The following DMD variants were observed in gnomAD, a reference collection of about 807,000 sequenced individuals.
DMD encodes mutant dystrophin.
Under a neutral mutation model 330.1 loss-of-function variants are expected in DMD, and 63 were observed. The ratio of observed to expected loss-of-function variants is 0.19; its 90% CI spans 0.16 to 0.24. The LOEUF (loss-of-function observed/expected upper bound fraction) is 0.24, where lower values mean the gene tolerates loss of function less well. DMD is among the 10% of genes least tolerant of loss of function. The pLI, the probability that DMD is intolerant of heterozygous loss-of-function variation, is 1.00. For missense variants in DMD, 3,344 were observed against 2,684.1 expected, an observed-to-expected ratio of 1.25 and a Z score of -5.43; for synonymous variants, 1,223 against 959.8, an observed-to-expected ratio of 1.27 and a Z score of -5.07.
intron 17 of DMD, among the ~76,000 whole-genome samples, chrX:32,541,044 G>A (rs2048436759): frequency 9.0e-6 from 1 of 111,423 alleles, no homozygotes; most frequent in African/African-American, 3.3e-5. Context: ...GAATGAACAT[G>A]AAATGACGGA....
chrX:32,756,430 C>T (rs1400428080), intron 7 of DMD: 1 of 111,391 alleles, frequency 9.0e-6, no homozygotes, highest in African/African-American at 3.3e-5. Context: ...TTTTTGATGA[C>T]AATAAAATCG....
chrX:32,227,317 AC>A (rs1395196997), intron 43 of DMD, among the ~76,000 whole-genome samples: 1 of 87,856 alleles, frequency 1.1e-5, no homozygotes, highest in Non-Finnish European at 2.2e-5. Flanking sequence ...ATATATGTAC[AC>A]ACACACAAAT....
intron 47 of DMD, among the ~76,000 whole-genome samples, chrX:31,917,730 T>C (rs1321699724): frequency 1.8e-5 from 2 of 112,694 alleles, no homozygotes; most frequent in East Asian, 5.5e-4. Flanking sequence ...CAGTCATTCA[T>C]TTTCCAAGCC....
intron 44 of DMD, among the ~76,000 whole-genome samples, chrX:32,075,447 A>C: frequency 8.9e-6 from 1 of 112,324 alleles, no homozygotes; most frequent in South Asian, 3.7e-4. Context: ...AAAAAATCAA[A>C]TAAAATGAGG....
At chrX:33,287,265 T>C (rs1268710594) in intron 1 of DMD, among the ~76,000 whole-genome samples, 2 of 111,402 alleles carry the variant, frequency 1.8e-5, no homozygotes, top group African/African-American at 6.5e-5. Flanking sequence ...AGTGGCACTT[T>C]TAACGTTTTG....
chrX:31,204,108 C>A lies in DMD; in HGVS notation c.9660G>T (p.Lys3220Asn). 8.3e-7 allele frequency: 1 copy of A among 1,210,960 alleles called. No homozygotes were observed. Among genetic ancestry groups the A allele is most frequent in the Non-Finnish European group, 1.1e-6 (1 of 895,045 alleles). The change falls in exon 67 of 79, where the codon AAG (lysine) becomes AAT (asparagine). Residue 3220 changes from lysine (K) to asparagine (N), a missense_variant. Coordinates refer to ENST00000357033, the MANE Select transcript of DMD (RefSeq NM_004006.3). ...AAAATCCTGTTGAACTTGCCACTTG[C>A]TTGAAAAGGTCTACAAAGGAAGAAG... ...HLEDKYRYLFKQVASSTGFCD... is the reference protein window; with the variant it reads ...HLEDKYRYLFNQVASSTGFCD...
At chrX:32,021,389 C>T (rs1042874399) in intron 44 of DMD, among the ~76,000 whole-genome samples, 1 of 111,632 alleles carries the variant, frequency 9.0e-6, no homozygotes, top group African/African-American at 3.3e-5. Context: ...AAAAAATGAG[C>T]ATTGTTTACT....
intron 18 of DMD, among the ~76,000 whole-genome samples, chrX:32,507,013 T>G (rs1196684956): frequency 8.9e-6 from 1 of 111,881 alleles, no homozygotes; most frequent in Non-Finnish European, 1.9e-5. Flanking sequence ...TATGGCATAC[T>G]TGTTTTTCAC....
chrX:31,478,078 G>A (rs770486507), intron 59 of DMD, 28 bp downstream of exon 59: 2 of 1,205,929 alleles, frequency 1.7e-6, no homozygotes, highest in Non-Finnish European at 2.2e-6. Flanking sequence ...TCTCTCAAAG[G>A]GCCCTGAAGC....
At chrX:32,546,216 G>A (rs762498409) in intron 16 of DMD, among the ~76,000 whole-genome samples, 10 of 104,075 alleles carry the variant, frequency 9.6e-5, no homozygotes, top group African/African-American at 2.8e-4. Flanking sequence ...CATATTCTCC[G>A]TCTCACAGAG....
chrX:33,114,010 CA>C (rs998297859), intron 1 of DMD, among the ~76,000 whole-genome samples: 4 of 110,254 alleles, frequency 3.6e-5, no homozygotes, highest in Admixed American at 2.0e-4. Flanking sequence ...ATAACCAAGA[CA>C]AAAAATACTT....
At position 33,053,722 on chromosome X, in the gene DMD, A is replaced by G. The variant is rs748966729; in HGVS notation, c.32-33522T>C. On this transcript the variant is annotated intron_variant, in intron 1 of 78. Transcript: ENST00000357033. ...AGGTATGTTCCAAAAAGGAGACATCACCTAAATGATAAACTGGAGTTAGCT... is the reference window on the plus strand; with the variant it reads ...AGGTATGTTCCAAAAAGGAGACATCGCCTAAATGATAAACTGGAGTTAGCT... Among the ~76,000 whole-genome samples, 20 of 112,320 alleles carry G rather than the reference A, an allele frequency of 1.8e-4. No individual in the cohort carries two copies. In the South Asian group the frequency reaches 7.4e-3, roughly 41 times the overall value.
chrX:32,809,292 T>C (rs1569526462), intron 7 of DMD, among the ~76,000 whole-genome samples: 1 of 112,079 alleles, frequency 8.9e-6, no homozygotes, highest in Non-Finnish European at 1.9e-5. Flanking sequence ...ACTGCAATTT[T>C]AGATACTGGT....
intron 47 of DMD, among the ~76,000 whole-genome samples, chrX:31,891,513 GAACT>G (rs769270242): frequency 2.7e-5 from 3 of 111,437 alleles, no homozygotes; most frequent in Non-Finnish European, 5.7e-5. Flanking sequence ...TACAGTTTGA[GAACT>G]AACAATTGTT....
At chrX:31,904,298 T>C (rs188842688) in intron 47 of DMD, among the ~76,000 whole-genome samples, 1 of 111,892 alleles carries the variant, frequency 8.9e-6, no homozygotes, top group East Asian at 2.8e-4. Flanking sequence ...AGCTGCATTT[T>C]CAAATGCCAG....
chrX:32,484,634 T>C (rs770602585), intron 21 of DMD, among the ~76,000 whole-genome samples: 6 of 112,222 alleles, frequency 5.3e-5, no homozygotes, highest in African/African-American at 1.9e-4. Flanking sequence ...TTTTATTTTC[T>C]TCTATATTCA....
At chrX:31,541,512 T>C (rs1193616925) in intron 55 of DMD, among the ~76,000 whole-genome samples, 1 of 80,276 alleles carries the variant, frequency 1.2e-5, no homozygotes, top group African/African-American at 4.4e-5. Context: ...CGACAGGCCC[T>C]GGTGTGTGAT....
At chrX:32,957,641 A>C (rs1055887862) in intron 2 of DMD, among the ~76,000 whole-genome samples, 1 of 111,691 alleles carries the variant, frequency 9.0e-6, no homozygotes, top group Non-Finnish European at 1.9e-5. Context: ...ACTCTGACAG[A>C]TATTGTGATT....
intron 62 of DMD, among the ~76,000 whole-genome samples, chrX:31,281,384 A>T (rs1008060358): frequency 9.0e-6 from 1 of 111,457 alleles, no homozygotes; most frequent in African/African-American, 3.3e-5. Flanking sequence ...GCCATAAAAA[A>T]AATGAAAATG....
Sources: allele counts gnomAD v4.1 joint callset (sites outside exome capture counted in the v4.1 genomes callset), GRCh38; gene constraint gnomAD v4.1.1; transcripts MANE v1.5; gene names NCBI Gene and HGNC (gene_info 2026-07-23, HGNC 2026-07-21).